The following TENM2 variants were observed in gnomAD, a reference collection of about 807,000 sequenced individuals.
The protein encoded by TENM2 is teneurin transmembrane protein 2.
Under a neutral mutation model 245.2 loss-of-function variants are expected in TENM2, and 52 were observed. The observed-to-expected ratio is 0.21, with a 90% CI of 0.17 to 0.27. The LOEUF is 0.27. Ranked by LOEUF, TENM2 falls within the 10% of genes least tolerant of loss-of-function variation. The pLI is 1.00. For synonymous variants in TENM2, 1,363 were observed against 1,438.9 expected, an observed-to-expected ratio of 0.95 and a Z score of 1.19; for missense variants, 3,046 against 3,666.8, an observed-to-expected ratio of 0.83 and a Z score of 4.37.
At chr5:168,228,505 T>C (rs889759100) in intron 25 of TENM2, among the ~76,000 whole-genome samples, 1 of 152,266 alleles carries the variant, frequency 6.6e-6, no homozygotes, top group South Asian at 2.1e-4. Context: ...TTTCACTGTC[T>C]GGCCAGTTCA....
intron 2 of TENM2, among the ~76,000 whole-genome samples, chr5:167,776,234 G>A (rs1033986217): frequency 6.8e-6 from 1 of 147,698 alleles, no homozygotes; most frequent in East Asian, 2.0e-4. Flanking sequence ...TCAAGTGATG[G>A]TTGGACTAAA....
chr5:167,116,228 C>T, the TENM2 span: 1 of 152,166 alleles, frequency 6.6e-6, no homozygotes, highest in African/African-American at 2.4e-5. Context: ...AGGTCTGTCA[C>T]CTGTGACAGA....
chr5:168,190,232 C>A, intron 13 of TENM2, 105 bp from the exon 16 acceptor site: 1 of 789,574 alleles, frequency 1.3e-6, no homozygotes, highest in Non-Finnish European at 2.0e-6. Context: ...CCCTTGGGTA[C>A]GTTTGATGCT....
intron 2 of TENM2, among the ~76,000 whole-genome samples, chr5:167,422,090 G>T (rs180732740): frequency 1.3e-5 from 2 of 151,950 alleles, no homozygotes; most frequent in Admixed American, 1.3e-4. Context: ...ATTCCCGGCC[G>T]GTAGTATTCT....
At chr5:167,497,866 T>G (rs970360641) in intron 2 of TENM2, among the ~76,000 whole-genome samples, 4 of 152,094 alleles carry the variant, frequency 2.6e-5, no homozygotes, top group African/African-American at 7.2e-5. Context: ...GACCAAAGTT[T>G]GAACAGTCTA....
intron 27 of TENM2, among the ~76,000 whole-genome samples, chr5:168,251,637 C>A (rs931767459): frequency 6.6e-6 from 1 of 152,194 alleles, no homozygotes; most frequent in Middle Eastern, 3.2e-3. Context: ...CTAAATTAGT[C>A]TTAATTTGCC....
intron 1 of TENM2, among the ~76,000 whole-genome samples, chr5:167,329,551 C>CAAA (rs34165505): frequency 0.22 from 4,922 of 21,950 alleles, 1,366 homozygotes; most frequent in Non-Finnish European, 0.27. Context: ...GACTCAGTCT[C>CAAA]AAAAAAAAAA....
At chr5:167,721,925 G>A (rs1759657147) in intron 2 of TENM2, among the ~76,000 whole-genome samples, 1 of 152,138 alleles carries the variant, frequency 6.6e-6, no homozygotes, top group Non-Finnish European at 1.5e-5. Context: ...TAACACATTA[G>A]CTGTTACTTC....
At chr5:167,275,719 C>T in the TENM2 span, among the ~76,000 whole-genome samples, 3 of 151,994 alleles carry the variant, frequency 2.0e-5, no homozygotes, top group Admixed American at 6.6e-5. Flanking sequence ...CCTATGACTT[C>T]GAGGAACTTG....
At chr5:167,436,495 C>T (rs990732073) in intron 2 of TENM2, among the ~76,000 whole-genome samples, 2 of 152,066 alleles carry the variant, frequency 1.3e-5, no homozygotes, top group Non-Finnish European at 2.9e-5. Flanking sequence ...CCTAATAATG[C>T]GATAGAAAAG....
At chr5:167,515,703 T>TATA (rs1770333506) in intron 2 of TENM2, among the ~76,000 whole-genome samples, 1 of 61,882 alleles carries the variant, frequency 1.6e-5, no homozygotes, top group African/African-American at 5.6e-5. Flanking sequence ...TCTTGCTCTG[T>TATA]TGCCCAGACT....
At chr5:167,375,116 G>GC (rs1760669359) in intron 1 of TENM2, 82 bp from the exon 4 acceptor site, 2 of 1,423,500 alleles carry the variant, frequency 1.4e-6, no homozygotes, top group African/African-American at 2.9e-5. Flanking sequence ...GGGAAAAGTG[G>GC]CTGCTTTTTT....
intron 2 of TENM2, among the ~76,000 whole-genome samples, chr5:167,719,699 C>T (rs1759497109): frequency 6.6e-6 from 1 of 152,200 alleles, no homozygotes; most frequent in Non-Finnish European, 1.5e-5. Context: ...TCCTCCAGAA[C>T]AGTGGTTCTC....
the TENM2 span, among the ~76,000 whole-genome samples, chr5:166,984,932 T>TA: frequency 6.6e-6 from 1 of 152,138 alleles, no homozygotes; most frequent in Admixed American, 6.5e-5. Flanking sequence ...CTTTATTTTT[T>TA]AAAAATTCCT....
At chr5:167,865,457 A>T (rs1472972362) in intron 2 of TENM2, among the ~76,000 whole-genome samples, 3 of 151,922 alleles carry the variant, frequency 2.0e-5, no homozygotes, top group Non-Finnish European at 4.4e-5. Context: ...CATTTTTTAT[A>T]GAGATGGGAT....
intron 2 of TENM2, among the ~76,000 whole-genome samples, chr5:167,831,513 A>G (rs1768492241): frequency 6.9e-6 from 1 of 145,008 alleles, no homozygotes; most frequent in Non-Finnish European, 1.5e-5. Flanking sequence ...TTTTAAGAAT[A>G]CTGCAGCCTT....
chr5:168,179,960 T>C (rs1759718155), intron 13 of TENM2, among the ~76,000 whole-genome samples: 1 of 152,216 alleles, frequency 6.6e-6, no homozygotes, highest in South Asian at 2.1e-4. Context: ...TGTTGTCACC[T>C]AGCACAGGGT....
chr5:168,052,298 G>C (rs920394611), intron 6 of TENM2, among the ~76,000 whole-genome samples: 2 of 151,948 alleles, frequency 1.3e-5, no homozygotes, highest in East Asian at 3.9e-4. Flanking sequence ...GGCTGAGGCA[G>C]GAGAATGGCG....
chr5:167,371,334 GT>G (rs768614312), intron 1 of TENM2, among the ~76,000 whole-genome samples: 123 of 128,942 alleles, frequency 9.5e-4, no homozygotes, highest in Middle Eastern at 4.4e-3. Flanking sequence ...ATGGCTCCCT[GT>G]TTTTTTTTTT....
Sources: allele counts gnomAD v4.1 joint callset (sites outside exome capture counted in the v4.1 genomes callset), GRCh38; gene constraint gnomAD v4.1.1; transcripts MANE v1.5; gene names NCBI Gene and HGNC (gene_info 2026-07-23, HGNC 2026-07-21).